XPO4: variants seen among roughly 807,000 people sequenced by gnomAD.
The protein encoded by XPO4 is exportin 4, also known as exportin-4.
Under a neutral mutation model 143.0 loss-of-function variants are expected in XPO4, and 39 were observed. That is an observed-to-expected ratio of 0.27 (90% CI 0.21 to 0.36). The LOEUF (loss-of-function observed/expected upper bound fraction) is 0.36. XPO4 is among the 10% of genes least tolerant of loss of function. The pLI, the probability that XPO4 is intolerant of heterozygous loss-of-function variation, is 1.00. For missense variants in XPO4, 907 were observed against 1,348.0 expected (o/e 0.67, Z 5.12); for synonymous variants, 439 against 474.0 (o/e 0.93, Z 0.96).
intron 22 of XPO4, among the ~76,000 whole-genome samples, chr13:20,786,193 A>C (rs2059203029): frequency 6.6e-6 from 1 of 151,966 alleles, no homozygotes; most frequent in South Asian, 2.1e-4. Flanking sequence ...GTCTAGAGAA[A>C]GGAGGTCTTT....
At position 20,862,739 on chromosome 13, in the gene XPO4, T is replaced by C; in HGVS notation, c.295A>G (p.Thr99Ala). Residue 99 changes from threonine to alanine, a missense_variant, in exon 3 of 23, where the codon ACC (threonine) becomes GCC (alanine). Transcript: ENST00000255305. ...SIESLRTFLL[T>A]YVLQRPNLQK... The stretch of plus-strand genomic sequence containing the variant: ...TACTTGGGCCTTTGTAAGACATAGG[T>C]TAAAAGGAATGTTCGCAGAGACTCG... 6.2e-7 allele frequency: 1 copy of C among 1,614,078 alleles called. No individual in the cohort carries two copies. Among genetic ancestry groups the C allele is most frequent in the Admixed American group, 1.7e-5 (1 of 60,012 alleles).
At chr13:20,871,604 C>T (rs1043484159) in intron 1 of XPO4, among the ~76,000 whole-genome samples, 7 of 152,176 alleles carry the variant, frequency 4.6e-5, no homozygotes, top group Non-Finnish European at 8.8e-5. Context: ...ATAGAGTAAA[C>T]GATACTACCC....
chr13:20,819,835 C>T (rs1299886988), intron 9 of XPO4, among the ~76,000 whole-genome samples: 1 of 152,148 alleles, frequency 6.6e-6, no homozygotes, highest in African/African-American at 2.4e-5. Flanking sequence ...TAGCTGTATA[C>T]TCCCCTGGTC....
chr13:20,879,967 A>G (rs184763269), intron 1 of XPO4, among the ~76,000 whole-genome samples: 1 of 152,244 alleles, frequency 6.6e-6, no homozygotes, highest in Non-Finnish European at 1.5e-5. Context: ...ACATGAAAAG[A>G]TGTCCAACAT....
chr13:20,815,639 GATC>G (rs1465487834), intron 9 of XPO4, among the ~76,000 whole-genome samples: 4 of 152,054 alleles, frequency 2.6e-5, no homozygotes, highest in African/African-American at 9.7e-5. Flanking sequence ...TTTTTCTGTT[GATC>G]ATCAAGATTA....
chr13:20,822,233 A>G lies in XPO4; in HGVS notation c.897T>C (p.Leu299=). 6.2e-7 allele frequency: 1 copy of G among 1,613,994 alleles called. No individual in the cohort carries two copies. Among genetic ancestry groups the G allele is most frequent in the Non-Finnish European group, 8.5e-7 (1 of 1,179,902 alleles). The change falls in exon 8 of 23, where the codon CTT becomes CTC. Residue 299 remains leucine, a synonymous_variant. Transcript: ENST00000255305. ...GTCCATGAAGAGAAGCTAACTGGGC[A>G]AGGCACTGCAGAGAATCTTGTGCCA... ...SDMAQDSLQC[L]AQLASLHGPI... is the part of the protein sequence containing the mutation.
At chr13:20,852,655 TATGA>T (rs1290857775) in intron 4 of XPO4, 2 of 969,306 alleles carry the variant, frequency 2.1e-6, no homozygotes, top group African/African-American at 3.5e-5. Flanking sequence ...AAATAATGAT[TATGA>T]ATATTTATGG....
At chr13:20,890,826 G>C (rs1429825055) in intron 1 of XPO4, among the ~76,000 whole-genome samples, 1 of 146,244 alleles carries the variant, frequency 6.8e-6, no homozygotes, top group East Asian at 2.1e-4. Context: ...AAAAGGAGCA[G>C]GCTGTGAGCA....
At chr13:20,900,864 G>T (rs1319661864) in intron 1 of XPO4, among the ~76,000 whole-genome samples, 1 of 152,026 alleles carries the variant, frequency 6.6e-6, no homozygotes, top group East Asian at 1.9e-4. Context: ...CGCCCACCTC[G>T]GCCTCCCAAA....
intron 9 of XPO4, among the ~76,000 whole-genome samples, chr13:20,814,676 G>C (rs922589906): frequency 3.9e-5 from 6 of 152,240 alleles, no homozygotes; most frequent in Non-Finnish European, 8.8e-5. Context: ...GATGACTAAG[G>C]AGACCAAGCT....
chr13:20,832,272 C>T lies in XPO4; in HGVS notation c.728-5093G>A, dbSNP rs531774434. Among the ~76,000 whole-genome samples the T allele has an allele frequency of 3.3e-5, 5 of 152,234 alleles. No homozygotes were observed. The South Asian group carries it at 6.2e-4, about 19-fold the overall frequency. ...CAACAAACAGCATTGTCATTAAATA[C>T]GTACATCTTAACATGTAGTGGGGAA... On this transcript the variant is annotated intron_variant, in intron 6 of 22. Coordinates refer to ENST00000255305, the MANE Select transcript of XPO4 (RefSeq NM_022459.5).
Position 20,842,937 on chromosome 13 carries a change from G to C in XPO4, c.685C>G (p.Leu229Val). ...TTCCAGCTCAAGACTTGATTGGCGA[G>C]TGCAAGGTAACGCTGAAATACTGAA... is the stretch of plus-strand genomic sequence containing the variant. ...MSSVFQRYLA[L>V]ANQVLSWNFL... Residue 229 changes from leucine (L) to valine (V), a missense_variant, in exon 6 of 23, where the codon CTC (leucine) becomes GTC (valine). Coordinates refer to ENST00000255305, the MANE Select transcript of XPO4 (RefSeq NM_022459.5). The C allele has an allele frequency of 6.2e-7, 1 of 1,613,286 alleles. No homozygotes were observed. Among genetic ancestry groups the C allele is most frequent in the South Asian group, 1.1e-5 (1 of 90,982 alleles).
chr13:20,892,990 G>A (rs746208453), intron 1 of XPO4, among the ~76,000 whole-genome samples: 1 of 152,168 alleles, frequency 6.6e-6, no homozygotes, highest in Non-Finnish European at 1.5e-5. Context: ...TGACTACTGA[G>A]AGAACTGAAG....
chr13:20,845,032 G>T (rs900623963), intron 4 of XPO4, among the ~76,000 whole-genome samples: 1 of 152,132 alleles, frequency 6.6e-6, no homozygotes. Flanking sequence ...AATCAGCTAG[G>T]CATGATGGCA....
intron 6 of XPO4, among the ~76,000 whole-genome samples, chr13:20,836,051 C>T (rs1404086272): frequency 1.3e-5 from 2 of 152,264 alleles, no homozygotes; most frequent in East Asian, 1.9e-4. Flanking sequence ...TTTATGTTAT[C>T]AGTAAGTCTT....
chr13:20,815,764 A>G (rs1171399865), intron 9 of XPO4, among the ~76,000 whole-genome samples: 1 of 152,232 alleles, frequency 6.6e-6, no homozygotes, highest in Non-Finnish European at 1.5e-5. Flanking sequence ...TCTACAGAAT[A>G]TCCTTCAAAA....
chr13:20,795,646 T>C (rs1449041815), intron 18 of XPO4, among the ~76,000 whole-genome samples: 1 of 152,010 alleles, frequency 6.6e-6, no homozygotes, highest in African/African-American at 2.4e-5. Flanking sequence ...GTGAGGAACA[T>C]GGAGAAGTGA....
chr13:20,861,805 GAGA>G lies in XPO4; in HGVS notation c.317+909_317+911del, dbSNP rs1443408083. 9.4e-4 allele frequency among the ~76,000 whole-genome samples: 32 copies of G among 33,890 alleles called. 1 individual carries two copies. The highest frequency in any genetic ancestry group is 3.8e-3 in the African/African-American group (31 of 8,126). 22.2% of individuals were successfully genotyped at this position (33,890 alleles called of 152,430 possible). ...TTTTTTTTTTTTTTTTTTTTTTTTT[GAGA>G]AGGAGTCTTGCTCTGTCACCAGGCT... On this transcript the variant is annotated intron_variant, in intron 3 of 22. Coordinates refer to ENST00000255305, the MANE Select transcript of XPO4 (RefSeq NM_022459.5).
chr13:20,833,745 A>G (rs1400540061), intron 6 of XPO4, among the ~76,000 whole-genome samples: 2 of 152,118 alleles, frequency 1.3e-5, no homozygotes, highest in African/African-American at 4.8e-5. Context: ...AAGAAAGCCA[A>G]CCTGGTCTAG....
Sources: gnomAD v4.1 joint callset for allele counts (sites outside exome capture counted in the v4.1 genomes callset) on GRCh38, gnomAD v4.1.1 for gene constraint, MANE v1.5 for transcripts, NCBI Gene and HGNC (gene_info 2026-07-23, HGNC 2026-07-21) for gene names.